GALNT13: variants seen among roughly 807,000 people sequenced by gnomAD.
The protein encoded by GALNT13 is polypeptide N-acetylgalactosaminyltransferase 13.
In GALNT13, 28 loss-of-function variants were observed where a neutral mutation model predicts 64.2. The ratio of observed to expected loss-of-function variants is 0.44; its 90% CI spans 0.32 to 0.60. The LOEUF is 0.60. Ranked by LOEUF, GALNT13 falls within the 20% of genes least tolerant of loss-of-function variation. The pLI is 0.05. For synonymous variants in GALNT13, 214 were observed against 224.6 expected, an observed-to-expected ratio of 0.95 and a Z score of 0.42; for missense variants, 577 against 669.8, an observed-to-expected ratio of 0.86 and a Z score of 1.53.
chr2:153,925,433 C>T (rs1235285780), intron 2 of GALNT13, among the ~76,000 whole-genome samples: 2 of 151,172 alleles, frequency 1.3e-5, no homozygotes, highest in African/African-American at 4.9e-5. Context: ...TGTACCTGTA[C>T]CATGCTGTTT....
the GALNT13 span, among the ~76,000 whole-genome samples, chr2:153,688,000 A>T: frequency 6.6e-6 from 1 of 152,014 alleles, no homozygotes; most frequent in Admixed American, 6.6e-5. Context: ...AACCTCAAAT[A>T]TTGCTAATAT....
chr2:153,704,838 C>A, the GALNT13 span, among the ~76,000 whole-genome samples: 2 of 152,232 alleles, frequency 1.3e-5, no homozygotes, highest in South Asian at 2.1e-4. Flanking sequence ...GAGAACAGAG[C>A]ATTACATTTC....
At chr2:153,168,025 T>C in the GALNT13 span, among the ~76,000 whole-genome samples, 1 of 152,306 alleles carries the variant, frequency 6.6e-6, no homozygotes, top group African/African-American at 2.4e-5. Context: ...GATTTAGCCA[T>C]GTTAAGTAGC....
chr2:153,815,448 G>T, the GALNT13 span, among the ~76,000 whole-genome samples: 1 of 151,300 alleles, frequency 6.6e-6, no homozygotes, highest in East Asian at 1.9e-4. Context: ...TTCAGGTAGA[G>T]CCCAATTACC....
the GALNT13 span, among the ~76,000 whole-genome samples, chr2:153,436,874 A>C: frequency 6.6e-6 from 1 of 151,838 alleles, no homozygotes; most frequent in Non-Finnish European, 1.5e-5. Context: ...CTAGGTTTTG[A>C]ATGTGTTTGC....
intron 4 of GALNT13, among the ~76,000 whole-genome samples, chr2:154,165,240 T>TG (rs1409941281): frequency 6.6e-6 from 1 of 152,170 alleles, no homozygotes; most frequent in Non-Finnish European, 1.5e-5. Flanking sequence ...TATTTTTCCT[T>TG]GGGGAACTTT....
At chr2:153,359,629 G>GAAAAA in the GALNT13 span, among the ~76,000 whole-genome samples, 4 of 8,924 alleles carry the variant, frequency 4.5e-4, no homozygotes, top group Admixed American at 1.8e-3. Flanking sequence ...CCAGCTTTCA[G>GAAAAA]CAAAAAAAAA....
At chr2:154,067,242 C>T (rs548971808) in intron 3 of GALNT13, among the ~76,000 whole-genome samples, 1 of 151,756 alleles carries the variant, frequency 6.6e-6, no homozygotes, top group South Asian at 2.1e-4. Flanking sequence ...ACCACAAAAC[C>T]ACTATAAAAG....
At chr2:153,759,188 A>G in the GALNT13 span, among the ~76,000 whole-genome samples, 104 of 152,102 alleles carry the variant, frequency 6.8e-4, no homozygotes, top group Non-Finnish European at 8.7e-4. Flanking sequence ...TATTAGTTCT[A>G]ACAGTTTTTT....
At chr2:153,664,883 G>C in the GALNT13 span, among the ~76,000 whole-genome samples, 11 of 152,182 alleles carry the variant, frequency 7.2e-5, no homozygotes, top group South Asian at 2.3e-3. Flanking sequence ...AACCAAATGA[G>C]AATTGCCCTT....
chr2:153,966,845 C>T (rs1233688809), intron 3 of GALNT13, among the ~76,000 whole-genome samples: 1 of 151,992 alleles, frequency 6.6e-6, no homozygotes, highest in Admixed American at 6.6e-5. Flanking sequence ...TCTCTATATC[C>T]TCTTTAATAA....
At chr2:153,629,035 G>A in the GALNT13 span, among the ~76,000 whole-genome samples, 1 of 152,060 alleles carries the variant, frequency 6.6e-6, no homozygotes, top group African/African-American at 2.4e-5. Flanking sequence ...CCTGTTATTG[G>A]TCTATTCAGA....
the GALNT13 span, among the ~76,000 whole-genome samples, chr2:153,277,407 C>T: frequency 1.3e-5 from 2 of 152,212 alleles, no homozygotes; most frequent in Admixed American, 6.5e-5. Context: ...CCGGCTGTGT[C>T]GTATTCTGTG....
chr2:154,106,728 C>A (rs1379140719), intron 3 of GALNT13, among the ~76,000 whole-genome samples: 1 of 151,418 alleles, frequency 6.6e-6, no homozygotes, highest in Non-Finnish European at 1.5e-5. Context: ...TTTTAAATTT[C>A]CAGATGTTTT....
the GALNT13 span, among the ~76,000 whole-genome samples, chr2:153,584,108 T>C: frequency 6.6e-6 from 1 of 152,108 alleles, no homozygotes; most frequent in Non-Finnish European, 1.5e-5. Context: ...GTCCCACTCT[T>C]ACTGGCTAAA....
At chr2:154,315,899 C>A (rs1694293420) in intron 9 of GALNT13, among the ~76,000 whole-genome samples, 1 of 152,070 alleles carries the variant, frequency 6.6e-6, no homozygotes, top group South Asian at 2.1e-4. Context: ...ACCAGACTGA[C>A]CAACATGGTC....
the GALNT13 span, among the ~76,000 whole-genome samples, chr2:153,406,245 A>G: frequency 6.6e-6 from 1 of 152,152 alleles, no homozygotes; most frequent in Non-Finnish European, 1.5e-5. Context: ...ATCTTTTAAA[A>G]TTATTACTTA....
chr2:153,188,863 G>T, the GALNT13 span, among the ~76,000 whole-genome samples: 1 of 151,986 alleles, frequency 6.6e-6, no homozygotes, highest in Non-Finnish European at 1.5e-5. Context: ...GCATGTATTT[G>T]TGGAGAACAT....
chr2:154,106,184 T>C (rs895502555), intron 3 of GALNT13, among the ~76,000 whole-genome samples: 4 of 152,178 alleles, frequency 2.6e-5, no homozygotes, highest in African/African-American at 9.6e-5. Flanking sequence ...AAGTTTTTAA[T>C]TGTGATAAAG....
Sources: gnomAD v4.1 joint callset for allele counts (sites outside exome capture counted in the v4.1 genomes callset) on GRCh38, gnomAD v4.1.1 for gene constraint, MANE v1.5 for transcripts, NCBI Gene and HGNC (gene_info 2026-07-23, HGNC 2026-07-21) for gene names.